The following BANP variants were observed in gnomAD, a reference collection of about 807,000 sequenced individuals.
The protein encoded by BANP is BTG3 associated nuclear protein, also known as protein BANP.
In BANP, 11 loss-of-function variants were observed where a neutral mutation model predicts 68.1. The ratio of observed to expected loss-of-function variants is 0.16; its 90% CI spans 0.10 to 0.27. The LOEUF (loss-of-function observed/expected upper bound fraction) is 0.27. BANP is among the 10% of genes least tolerant of loss of function. The pLI is 1.00. For synonymous variants in BANP, 329 were observed against 303.2 expected (o/e 1.09, Z -0.88); for missense variants, 504 against 722.7 (o/e 0.70, Z 3.47).
chr16:87,968,295 C>G (rs983226151), intron 1 of BANP, among the ~76,000 whole-genome samples: 1 of 151,214 alleles, frequency 6.6e-6, no homozygotes, highest in Non-Finnish European at 1.5e-5. Context: ...ACCAGCCTGA[C>G]CCAACATGGT....
chr16:87,994,387 G>GGA (rs1414583121), intron 4 of BANP, among the ~76,000 whole-genome samples: 1 of 152,236 alleles, frequency 6.6e-6, no homozygotes, highest in African/African-American at 2.4e-5. Context: ...GGCTCCTTGG[G>GGA]GAGAGCAGCG....
intron 4 of BANP, among the ~76,000 whole-genome samples, chr16:87,993,981 G>A (rs554313130): frequency 2.0e-5 from 3 of 152,272 alleles, no homozygotes; most frequent in South Asian, 2.1e-4. Context: ...AGAATGAGCC[G>A]TTTCTCCGTG....
In BANP at chr16:88,035,125, C is replaced by G. The variant is rs2079035426; in HGVS notation, c.1201-198C>G. On this transcript the variant is annotated intron_variant, in intron 9 of 13. Transcript: ENST00000682872. Reference sequence around the variant, plus strand: ...GGGGTAGGGGGTGCTTCTTGAAACCCTCATGGATGAGGGGGACTACTGTGA... The same window carrying G: ...GGGGTAGGGGGTGCTTCTTGAAACCGTCATGGATGAGGGGGACTACTGTGA... 1.1e-4 allele frequency: 63 copies of G among 591,572 alleles called. 2 individuals carry two copies. The South Asian group carries it at 1.2e-3, about 11-fold the overall frequency. The allele number at this position is 591,572 out of a possible 1,614,324, so 36.6% of individuals were successfully genotyped here. A position where few individuals can be genotyped will look rare whatever the true frequency, so the allele number is the denominator to read the frequency against.
intron 7 of BANP, among the ~76,000 whole-genome samples, chr16:88,022,801 C>T (rs1022170289): frequency 2.2e-4 from 33 of 152,312 alleles, no homozygotes; most frequent in African/African-American, 7.7e-4. Flanking sequence ...GCATCCCCCT[C>T]GGCTGTCTTC....
At chr16:88,056,681 CTGTGATGTCAGACAG>C (rs534953674) in intron 11 of BANP, among the ~76,000 whole-genome samples, 3,043 of 152,328 alleles carry the variant, frequency 0.02, 48 homozygotes, top group Non-Finnish European at 0.031. Context: ...GCATCAGACT[CTGTGATGTCAGACAG>C]TGGTGGCAGG....
At chr16:88,051,824 G>C (rs2083327419) in intron 11 of BANP, among the ~76,000 whole-genome samples, 1 of 152,274 alleles carries the variant, frequency 6.6e-6, no homozygotes, top group African/African-American at 2.4e-5. Flanking sequence ...TAGACTTACA[G>C]TTTTCTTTCC....
At chr16:88,021,121 G>T (rs1338121044) in intron 7 of BANP, among the ~76,000 whole-genome samples, 1 of 152,218 alleles carries the variant, frequency 6.6e-6, no homozygotes, top group Non-Finnish European at 1.5e-5. Context: ...TGGGAGCCTG[G>T]CATGGGCCAC....
intron 3 of BANP, among the ~76,000 whole-genome samples, chr16:87,982,153 AT>A (rs1163091603): frequency 1.3e-5 from 2 of 152,248 alleles, no homozygotes; most frequent in African/African-American, 4.8e-5. Flanking sequence ...CATTCCCTAA[AT>A]AAAACGCAGC....
intron 2 of BANP, 67 bp from the exon 3 acceptor site, chr16:87,980,969 T>C: frequency 2.7e-6 from 3 of 1,115,184 alleles, no homozygotes; most frequent in South Asian, 2.5e-5. Context: ...GTTTACTATC[T>C]TAATGTTAAA....
chr16:87,994,059 C>T (rs1489436186), intron 4 of BANP, among the ~76,000 whole-genome samples: 2 of 152,098 alleles, frequency 1.3e-5, no homozygotes, highest in African/African-American at 4.8e-5. Flanking sequence ...GACCAGGATG[C>T]GGTGTTTGGA....
In BANP at chr16:88,069,920, T is replaced by C. The variant is rs1044841643; in HGVS notation, c.1378-2149T>C. Among the ~76,000 whole-genome samples the C allele has an allele frequency of 5.9e-5, 9 of 152,134 alleles. No homozygotes were observed. The South Asian group carries it at 1.9e-3, about 31-fold the overall frequency. On this transcript the variant is annotated intron_variant, in intron 12 of 13. Transcript: ENST00000682872. ...CCTCCTCTGTCTCTTCTGCCTCTGC[T>C]GCCCTGAGACAGCAAGGCCAGCCTC... is the stretch of plus-strand genomic sequence containing the variant.
chr16:88,068,383 G>A (rs958704112), intron 12 of BANP, among the ~76,000 whole-genome samples: 5 of 152,232 alleles, frequency 3.3e-5, no homozygotes, highest in South Asian at 2.1e-4. Flanking sequence ...CCTGCACCGC[G>A]CAGACCATTG....
At chr16:88,026,686 GAATT>G (rs2077063678) in intron 7 of BANP, among the ~76,000 whole-genome samples, 1 of 149,100 alleles carries the variant, frequency 6.7e-6, no homozygotes, top group South Asian at 2.1e-4. Flanking sequence ...TACATAACTT[GAATT>G]CTCCAAACTG....
At chr16:87,989,458 C>T (rs2065311467) in intron 4 of BANP, among the ~76,000 whole-genome samples, 1 of 152,278 alleles carries the variant, frequency 6.6e-6, no homozygotes, top group Admixed American at 6.5e-5. Context: ...TAAATGTTAA[C>T]ATCCTTTGTC....
chr16:88,018,594 T>C lies in BANP; in HGVS notation c.822T>C (p.Ala274=), dbSNP rs2152665153. 2 of 1,602,436 alleles carry C rather than the reference T, an allele frequency of 1.2e-6. No individual in the cohort carries two copies. The highest frequency in any genetic ancestry group is 3.4e-5 in the Admixed American group (2 of 58,170). ...ACCTCTTCCACCGCGAGGTGCAGGCTGTGTCCAACCTCTCGGGGCAGGGCA... is the reference window on the plus strand; with the variant it reads ...ACCTCTTCCACCGCGAGGTGCAGGCCGTGTCCAACCTCTCGGGGCAGGGCA... ...LDYLFHREVQ[A]VSNLSGQGKH... The change falls in exon 7 of 14, where the codon GCT becomes GCC. Residue 274 remains alanine, a synonymous_variant. Coordinates refer to ENST00000682872, the MANE Select transcript of BANP (RefSeq NM_001386991.1). The surrounding 1 kb of genome is among the most constrained non-coding windows in gnomAD (Gnocchi z 7.7).
intron 1 of BANP, among the ~76,000 whole-genome samples, chr16:87,972,583 T>C (rs1238623685): frequency 6.6e-6 from 1 of 152,222 alleles, no homozygotes; most frequent in African/African-American, 2.4e-5. Context: ...TTTTATATGA[T>C]TTTTGCTTTT....
chr16:87,968,406 C>T (rs1426293131), intron 1 of BANP, among the ~76,000 whole-genome samples: 5 of 150,392 alleles, frequency 3.3e-5, no homozygotes, highest in Admixed American at 2.7e-4. Context: ...ATCACTTGAA[C>T]CCAGGAGGCA....
chr16:87,960,063 T>C, intron 1 of BANP: 1 of 152,436 alleles, frequency 6.6e-6, no homozygotes. Context: ...ACCCCCACCC[T>C]GGGAGACAGT....
intron 1 of BANP, among the ~76,000 whole-genome samples, chr16:87,965,685 C>T (rs897299985): frequency 7.2e-5 from 11 of 152,180 alleles, no homozygotes; most frequent in Admixed American, 2.0e-4. Flanking sequence ...ATTCTCTCCC[C>T]ATCCCTGCCC....
Sources: gnomAD v4.1 joint callset for allele counts (sites outside exome capture counted in the v4.1 genomes callset) on GRCh38, gnomAD v4.1.1 for gene constraint, Gnocchi (gnomAD v3.1) non-coding constraint, MANE v1.5 for transcripts, NCBI Gene and HGNC (gene_info 2026-07-23, HGNC 2026-07-21) for gene names.